Variants in FSIP1 observed in about 807,000 individuals in gnomAD.
The protein encoded by FSIP1 is fibrous sheath-interacting protein 1.
Under a neutral mutation model 60.9 loss-of-function variants are expected in FSIP1, and 65 were observed. The observed-to-expected ratio is 1.07, with a 90% CI of 0.87 to 1.31. The LOEUF is 1.31. Among genes scored for constraint, FSIP1 ranks in the 40% most tolerant of loss-of-function variants. The probability of loss-of-function intolerance (pLI) is 0.00; values close to 1 mark genes in which losing one functional copy is unlikely to be tolerated. For missense variants in FSIP1, 675 were observed against 665.5 expected (o/e 1.01, Z -0.16); for synonymous variants, 209 against 221.2 (o/e 0.94, Z 0.49).
chr15:39,737,658 AT>A (rs1186000097), intron 8 of FSIP1, among the ~76,000 whole-genome samples: 3 of 152,298 alleles, frequency 2.0e-5, no homozygotes, highest in East Asian at 1.9e-4. Context: ...ATAAAACAGG[AT>A]TTTTAAAAAA....
chr15:39,773,835 T>C (rs1897967639), intron 2 of FSIP1, among the ~76,000 whole-genome samples: 2 of 152,154 alleles, frequency 1.3e-5, no homozygotes, highest in Admixed American at 1.3e-4. Context: ...AGGGAATAGA[T>C]CAGTAATTGT....
At chr15:39,690,238 A>G (rs981611432) in intron 10 of FSIP1, among the ~76,000 whole-genome samples, 1 of 152,164 alleles carries the variant, frequency 6.6e-6, no homozygotes, top group African/African-American at 2.4e-5. Flanking sequence ...AAATGGTTAC[A>G]GGGCCATTAT....
At chr15:39,656,250 C>T (rs1028098972) in intron 10 of FSIP1, among the ~76,000 whole-genome samples, 2 of 152,170 alleles carry the variant, frequency 1.3e-5, no homozygotes, top group Non-Finnish European at 2.9e-5. Context: ...TAATACCATG[C>T]TTCTCAGCCT....
chr15:39,711,766 T>A (rs1207565718), intron 10 of FSIP1, among the ~76,000 whole-genome samples: 1 of 129,406 alleles, frequency 7.7e-6, no homozygotes, highest in Non-Finnish European at 1.6e-5. Flanking sequence ...CTCACTGCAA[T>A]CTCTGCCTCC....
chr15:39,756,203 ATAAATAAAAG>A (rs1897296900), intron 5 of FSIP1, among the ~76,000 whole-genome samples: 1 of 152,154 alleles, frequency 6.6e-6, no homozygotes, highest in Non-Finnish European at 1.5e-5. Context: ...TTTAGCACCT[ATAAATAAAAG>A]TAAATGCACT....
rs535863496 is a variant in FSIP1 at position 39,611,427 on chromosome 15, C to T, written c.1699+6308G>A. The stretch of plus-strand genomic sequence containing the variant: ...TCATCCTTCCAAGTAGATGGGACTA[C>T]AGGTATGCACAACCATGCCCAGCCT... On this transcript the variant is annotated intron_variant, in intron 11 of 11. Transcript: ENST00000350221. 2.0e-5 allele frequency among the ~76,000 whole-genome samples: 3 copies of T among 152,112 alleles called. No homozygotes were observed. In the South Asian group the frequency reaches 6.2e-4, roughly 32 times the overall value.
intron 10 of FSIP1, among the ~76,000 whole-genome samples, chr15:39,630,072 C>T (rs536366353): frequency 1.5e-4 from 23 of 152,286 alleles, no homozygotes; most frequent in African/African-American, 5.1e-4. Context: ...TGTCTAGACA[C>T]GTATCTGAAA....
intron 10 of FSIP1, among the ~76,000 whole-genome samples, chr15:39,665,245 A>G (rs998091944): frequency 9.2e-5 from 14 of 152,146 alleles, no homozygotes; most frequent in Non-Finnish European, 1.8e-4. Context: ...CCACACTATA[A>G]AACAAGGTAC....
chr15:39,720,038 T>A (rs190073990), intron 9 of FSIP1, among the ~76,000 whole-genome samples: 5 of 152,338 alleles, frequency 3.3e-5, no homozygotes, highest in African/African-American at 1.2e-4. Flanking sequence ...TGCCTGTGAC[T>A]AGCATACATT....
chr15:39,678,904 AG>A (rs1438397814), intron 10 of FSIP1, among the ~76,000 whole-genome samples: 2 of 152,210 alleles, frequency 1.3e-5, no homozygotes, highest in African/African-American at 4.8e-5. Flanking sequence ...AAAGGTTTTT[AG>A]GTTTTTTAAT....
intron 5 of FSIP1, among the ~76,000 whole-genome samples, chr15:39,751,108 A>G (rs1285360490): frequency 6.6e-6 from 1 of 151,966 alleles, no homozygotes; most frequent in Non-Finnish European, 1.5e-5. Flanking sequence ...TATCAAAAAG[A>G]CAGGAGATAA....
intron 11 of FSIP1, among the ~76,000 whole-genome samples, chr15:39,609,723 T>C (rs1271602767): frequency 6.6e-6 from 1 of 152,150 alleles, no homozygotes; most frequent in Non-Finnish European, 1.5e-5. Flanking sequence ...AAAACAGCAG[T>C]ACTTCCCAGC....
intron 10 of FSIP1, among the ~76,000 whole-genome samples, chr15:39,637,801 A>C (rs61568256): frequency 0.18 from 27,588 of 152,160 alleles, 3,051 homozygotes; most frequent in East Asian, 0.32. Context: ...ACCAGGAAAA[A>C]AAAAAAGACA....
intron 10 of FSIP1, among the ~76,000 whole-genome samples, chr15:39,704,919 T>C (rs2078809392): frequency 6.6e-6 from 1 of 152,212 alleles, no homozygotes; most frequent in Non-Finnish European, 1.5e-5. Context: ...TTTGATGCAA[T>C]AATGACAATG....
At chr15:39,749,840 G>A (rs1267678840) in intron 5 of FSIP1, among the ~76,000 whole-genome samples, 2 of 151,852 alleles carry the variant, frequency 1.3e-5, no homozygotes, top group African/African-American at 4.8e-5. Flanking sequence ...GAAATAATAG[G>A]CATCCAAATC....
Position 39,675,008 on chromosome 15 carries a change from C to A in FSIP1, c.1188+38436G>T, listed in dbSNP as rs536093330. On this transcript the variant is annotated intron_variant, in intron 10 of 11. Coordinates refer to ENST00000350221, the MANE Select transcript of FSIP1 (RefSeq NM_152597.5). ...AATAACAAGAAAAACTCAGACAATT[C>A]AAAAAAAACTGGGCAAAAGACATGA... is the stretch of plus-strand genomic sequence containing the variant. Among the ~76,000 whole-genome samples, 105 of 149,646 alleles carry A rather than the reference C, an allele frequency of 7.0e-4. No individual in the cohort carries two copies. In the East Asian group the frequency reaches 0.017, roughly 24 times the overall value.
intron 2 of FSIP1, among the ~76,000 whole-genome samples, chr15:39,773,509 T>C (rs902034903): frequency 2.6e-5 from 4 of 152,222 alleles, no homozygotes; most frequent in African/African-American, 9.6e-5. Context: ...AAGTCTTGAA[T>C]GAAGTAATAT....
At chr15:39,732,939 C>A (rs1378470888) in intron 8 of FSIP1, among the ~76,000 whole-genome samples, 1 of 152,190 alleles carries the variant, frequency 6.6e-6, no homozygotes, top group Non-Finnish European at 1.5e-5. Flanking sequence ...CTCTGAATTT[C>A]TATTCTAACA....
Position 39,642,775 on chromosome 15 carries a change from T to C in FSIP1, c.1189-24530A>G, listed in dbSNP as rs1445738449. On this transcript the variant is annotated intron_variant, in intron 10 of 11. Transcript: ENST00000350221. Reference sequence around the variant, plus strand: ...TAGTGGTCAGTATCACAAGATGACATCCATGAAGCTCCACTGGGGACTCTA... The same window carrying C: ...TAGTGGTCAGTATCACAAGATGACACCCATGAAGCTCCACTGGGGACTCTA... 1.4e-4 allele frequency among the ~76,000 whole-genome samples: 22 copies of C among 152,332 alleles called. 1 individual carries two copies. Among genetic ancestry groups the C allele is most frequent in the Admixed American group, 6.5e-5 (1 of 15,298 alleles).
Sources: gnomAD v4.1 joint callset for allele counts (sites outside exome capture counted in the v4.1 genomes callset) on GRCh38, gnomAD v4.1.1 for gene constraint, MANE v1.5 for transcripts, NCBI Gene and HGNC (gene_info 2026-07-23, HGNC 2026-07-21) for gene names.